Variants in BLTP1 observed in about 807,000 individuals in gnomAD.
The protein encoded by BLTP1 is bridge-like lipid transfer protein family member 1.
At chr4:122,276,409 A>AC in the BLTP1 span, 5 of 962,896 alleles carry the variant, frequency 5.2e-6, no homozygotes, top group African/African-American at 7.0e-5. Flanking sequence ...TAAAACACTA[A>AC]CAAAACATCT....
chr4:122,359,738 A>G, the BLTP1 span: 1 of 1,596,160 alleles, frequency 6.3e-7, no homozygotes, highest in Non-Finnish European at 8.5e-7. Context: ...TAATGAGTAT[A>G]TACATTTACC....
the BLTP1 span, chr4:122,197,425 ATAT>A: frequency 1.0e-5 from 10 of 989,850 alleles, no homozygotes; most frequent in Non-Finnish European, 1.2e-5. Flanking sequence ...TTAAAGGGAA[ATAT>A]TATATAATTG....
the BLTP1 span, chr4:122,200,364 G>A: frequency 1.3e-6 from 1 of 774,706 alleles, no homozygotes; most frequent in South Asian, 5.8e-5. Context: ...GATCACTTGA[G>A]GTCAGGAGTT....
At chr4:122,183,351 A>AT in the BLTP1 span, 7 of 947,580 alleles carry the variant, frequency 7.4e-6, no homozygotes, top group South Asian at 9.8e-5. Context: ...AAAAAAAAAA[A>AT]GCTTAAACAA....
the BLTP1 span, chr4:122,229,987 A>G: frequency 1.2e-6 from 2 of 1,614,138 alleles, no homozygotes; most frequent in Non-Finnish European, 1.7e-6. Context: ...TTGGGGAAGG[A>G]ATCAGTGCTG....
chr4:122,220,586 TTTAAG>T, the BLTP1 span: 9 of 845,350 alleles, frequency 1.1e-5, no homozygotes, highest in Non-Finnish European at 1.6e-5. Flanking sequence ...GTTGGAGACT[TTTAAG>T]TTAACTGTAT....
At chr4:122,204,352 TAACTA>T in the BLTP1 span, 7 of 955,976 alleles carry the variant, frequency 7.3e-6, no homozygotes, top group Non-Finnish European at 8.7e-6. Context: ...TCAGTAGTTT[TAACTA>T]AAATAGGATA....
At chr4:122,227,983 G>A in the BLTP1 span, among the ~76,000 whole-genome samples, 7 of 148,836 alleles carry the variant, frequency 4.7e-5, no homozygotes, top group African/African-American at 1.2e-4. Context: ...GCGCCATCTC[G>A]ACTCACTGCA....
the BLTP1 span, among the ~76,000 whole-genome samples, chr4:122,269,277 T>C: frequency 2.0e-5 from 3 of 151,690 alleles, no homozygotes; most frequent in Non-Finnish European, 4.4e-5. Context: ...TATAGAGATA[T>C]AGATTATATA....
the BLTP1 span, chr4:122,274,360 A>G: frequency 6.4e-7 from 1 of 1,557,544 alleles, no homozygotes; most frequent in Non-Finnish European, 8.8e-7. Flanking sequence ...ACATCAAAAG[A>G]TGACTGAGAC....
the BLTP1 span, among the ~76,000 whole-genome samples, chr4:122,192,647 CA>C: frequency 6.6e-6 from 1 of 151,786 alleles, no homozygotes; most frequent in Non-Finnish European, 1.5e-5. Flanking sequence ...TTTGTTGGTT[CA>C]TTTTTTTTTC....
At chr4:122,231,580 A>T in the BLTP1 span, 1 of 850,126 alleles carries the variant, frequency 1.2e-6, no homozygotes, top group Middle Eastern at 5.9e-4. Flanking sequence ...TTCATATATG[A>T]CTTTAATTTT....
At chr4:122,202,151 A>G in the BLTP1 span, among the ~76,000 whole-genome samples, 5 of 152,118 alleles carry the variant, frequency 3.3e-5, no homozygotes, top group Non-Finnish European at 5.9e-5. Flanking sequence ...GGGACTAGAT[A>G]GACTGCTTCT....
the BLTP1 span, among the ~76,000 whole-genome samples, chr4:122,333,242 C>T: frequency 1.5e-4 from 6 of 41,338 alleles, no homozygotes; most frequent in Admixed American, 6.1e-4. Context: ...TTTACAGTCC[C>T]ACCAACAGTG....
the BLTP1 span, among the ~76,000 whole-genome samples, chr4:122,193,092 T>C: frequency 6.6e-6 from 1 of 152,142 alleles, no homozygotes; most frequent in South Asian, 2.1e-4. Context: ...TGTGTCCAGA[T>C]CATACTATCC....
At chr4:122,184,567 A>C in the BLTP1 span, 2 of 273,010 alleles carry the variant, frequency 7.3e-6, no homozygotes, top group East Asian at 3.5e-4. Context: ...GGAACTTGGG[A>C]GGTGCCAGGT....
chr4:122,321,979 A>ATTTTTTTTTTTTTTTTTTTTTTTTTTTT, the BLTP1 span, among the ~76,000 whole-genome samples: 10 of 27,018 alleles, frequency 3.7e-4, no homozygotes, highest in Admixed American at 1.1e-3. Flanking sequence ...ACTACATGTA[A>ATTTTTTTTTTTTTTTTTTTTTTTTTTTT]TTTTTTTTTT....
chr4:122,180,433 A>G, the BLTP1 span, among the ~76,000 whole-genome samples: 1 of 152,216 alleles, frequency 6.6e-6, no homozygotes, highest in Non-Finnish European at 1.5e-5. Context: ...AAGGCAGCTC[A>G]GCTCTATTGC....
the BLTP1 span, among the ~76,000 whole-genome samples, chr4:122,312,188 G>A: frequency 6.6e-6 from 1 of 151,866 alleles, no homozygotes; most frequent in East Asian, 1.9e-4. Flanking sequence ...GGCACATGCC[G>A]CCATACCTGG....
Sources: gnomAD v4.1 joint callset for allele counts (sites outside exome capture counted in the v4.1 genomes callset) on GRCh38, gnomAD v4.1.1 for gene constraint, MANE v1.5 for transcripts, NCBI Gene and HGNC (gene_info 2026-07-23, HGNC 2026-07-21) for gene names.